Variants in ATG14 observed in about 807,000 individuals in gnomAD.
ATG14 encodes beclin 1-associated autophagy-related key regulator.
ATG14 carries 35 observed loss-of-function variants against 60.4 expected under a neutral mutation model. That is an observed-to-expected ratio of 0.58 (90% CI 0.44 to 0.77). The LOEUF is 0.77. ATG14 is among the 30% of genes least tolerant of loss of function. ATG14 has a pLI of 0.00. For missense variants in ATG14, 647 were observed against 626.3 expected, an observed-to-expected ratio of 1.03 and a Z score of -0.35; for synonymous variants, 234 against 228.8, an observed-to-expected ratio of 1.02 and a Z score of -0.21.
At chr14:55,370,794 C>T (rs1884798957) in intron 9 of ATG14, among the ~76,000 whole-genome samples, 1 of 152,038 alleles carries the variant, frequency 6.6e-6, no homozygotes. Flanking sequence ...GCACCTGCCA[C>T]CATGCCCGGC....
In ATG14 at chr14:55,380,590, G is replaced by C; in HGVS notation, c.978C>G (p.Pro326=). 1 of 1,608,784 alleles carries C rather than the reference G, an allele frequency of 6.2e-7. No individual in the cohort carries two copies. Among genetic ancestry groups the C allele is most frequent in the East Asian group, 2.2e-5 (1 of 44,742 alleles). The change falls in exon 7 of 10, where the codon CCC becomes CCG. Residue 326 remains proline (P), a synonymous_variant. Coordinates refer to ENST00000247178, the MANE Select transcript of ATG14 (RefSeq NM_014924.5). ...TTACTTGCCTGTTGCAGAGCTTTTT[G>C]GGAAGATTTACATCAAGTATATGAG... ...ILSHILDVNL[P]KKLCNSEFCG...
chr14:55,408,801 C>T (rs1281230736), intron 1 of ATG14, among the ~76,000 whole-genome samples: 1 of 152,050 alleles, frequency 6.6e-6, no homozygotes, highest in Non-Finnish European at 1.5e-5. Flanking sequence ...AATCACGTAC[C>T]AAGTGGTAGA....
At chr14:55,378,320 C>T (rs1884960016) in intron 7 of ATG14, among the ~76,000 whole-genome samples, 1 of 152,202 alleles carries the variant, frequency 6.6e-6, no homozygotes, top group Non-Finnish European at 1.5e-5. Flanking sequence ...TTATTCTACA[C>T]AAATATCTGC....
Position 55,385,986 on chromosome 14 carries a change from C to T in ATG14, c.520G>A (p.Asp174Asn), listed in dbSNP as rs543318710. 1 of 1,614,122 alleles carries T rather than the reference C, an allele frequency of 6.2e-7. No individual in the cohort carries two copies. The highest frequency in any genetic ancestry group is 1.1e-5 in the South Asian group (1 of 91,072). ...KIQRHNRKLG[D>N]LVEKKTIDLR... is the part of the protein sequence containing the mutation. ...TCAATGGTCTTTTTTTCTACCAGGTCACCAAGTTTGCGATTATGCCTCTGA... is the reference window on the plus strand; with the variant it reads ...TCAATGGTCTTTTTTTCTACCAGGTTACCAAGTTTGCGATTATGCCTCTGA... Residue 174 changes from aspartate (D) to asparagine (N), a missense_variant, in exon 5 of 10, where the codon GAC becomes AAC. Asp to Asn is a conservative substitution (Grantham distance 23, BLOSUM62 1). Coordinates refer to ENST00000247178, the MANE Select transcript of ATG14 (RefSeq NM_014924.5).
At chr14:55,395,106 CT>C in intron 3 of ATG14, 1 of 497,176 alleles carries the variant, frequency 2.0e-6, no homozygotes, top group Non-Finnish European at 4.1e-6. Context: ...AAGATTTATC[CT>C]TTCCTGCTGC....
chr14:55,411,668 C>G lies in ATG14; in HGVS notation c.155G>C (p.Arg52Pro). The change falls in exon 1 of 10, where the codon CGG becomes CCG. Residue 52 changes from arginine (R) to proline (P), a missense_variant. Physicochemically the swap from Arg to Pro is moderately radical, Grantham distance 103. Transcript: ENST00000247178. The part of the protein sequence containing the change: ...RCPLCNTTRR[R>P]LTCAKCVQSG... ...CTGAACGCATTTGGCGCAGGTCAGC[C>G]GCCGGCGGGTAGTGTTGCACAGCGG... The G allele has an allele frequency of 6.2e-7, 1 of 1,613,396 alleles. No individual in the cohort carries two copies. Among genetic ancestry groups the G allele is most frequent in the Non-Finnish European group, 8.5e-7 (1 of 1,179,898 alleles).
chr14:55,403,323 T>C lies in ATG14; in HGVS notation c.222-5889A>G, dbSNP rs1447761253. The stretch of plus-strand genomic sequence containing the variant: ...TCTTACCATGCATTAAACTCAACTA[T>C]AGAATCAGACCACAAAAAGAGACTG... On this transcript the variant is annotated intron_variant, in intron 1 of 9. Transcript: ENST00000247178. 3.3e-5 allele frequency among the ~76,000 whole-genome samples: 5 copies of C among 152,116 alleles called. No homozygotes were observed. The East Asian group carries it at 9.7e-4, about 29-fold the overall frequency.
intron 3 of ATG14, among the ~76,000 whole-genome samples, chr14:55,393,255 G>A (rs1375625096): frequency 1.3e-5 from 2 of 151,996 alleles, no homozygotes; most frequent in East Asian, 3.9e-4. Flanking sequence ...CGTGGTGGTG[G>A]GCGCCTGTAG....
intron 1 of ATG14, among the ~76,000 whole-genome samples, chr14:55,400,909 TAAATAAAATA>T (rs201067140): frequency 0.23 from 33,113 of 143,130 alleles, 4,133 homozygotes; most frequent in Non-Finnish European, 0.28. Context: ...CTCAAATAAA[TAAATAAAATA>T]AAATAAAATA....
In ATG14 at chr14:55,390,941, T is replaced by C. The variant is rs1274635911; in HGVS notation, c.379A>G (p.Ile127Val). ...TCCATTTCTTCATTTCCTTTACATA[T>C]TGTTTGTTTTAACTGTTCAATCCTC... The part of the protein sequence containing the change: ...KMRIEQLKQT[I>V]CKGNEEMEKN... Residue 127 changes from isoleucine to valine, a missense_variant, in exon 4 of 10, where the codon ATA becomes GTA. By Grantham distance (29) the Ile-to-Val change is conservative. Coordinates refer to ENST00000247178, the MANE Select transcript of ATG14 (RefSeq NM_014924.5). 7 of 1,604,736 alleles carry C rather than the reference T, an allele frequency of 4.4e-6. No homozygotes were observed. The highest frequency in any genetic ancestry group is 1.1e-5 in the South Asian group (1 of 89,340).
chr14:55,389,843 C>T (rs1885184120), intron 4 of ATG14, among the ~76,000 whole-genome samples: 1 of 152,002 alleles, frequency 6.6e-6, no homozygotes, highest in Admixed American at 6.5e-5. Flanking sequence ...TGGGAAGTGG[C>T]TTAAGGATGT....
rs1451402503 is a variant in ATG14, at chr14:55,368,906, A to AT, written c.*712dup. On this transcript the variant is annotated 3_prime_UTR_variant, in exon 10 of 10. Transcript: ENST00000247178. ...TTAATTCCCCTCAGAATACAAGAAA[A>AT]TAGTTAAAAACTCTCTAGACATTAT... 3.3e-5 allele frequency: 5 copies of AT among 152,530 alleles called. No homozygotes were observed. Among genetic ancestry groups the AT allele is most frequent in the Non-Finnish European group, 7.3e-5 (5 of 68,044 alleles). 9.4% of individuals were successfully genotyped at this position (152,530 alleles called of 1,614,324 possible).
chr14:55,383,527 G>A (rs569669986), intron 5 of ATG14, among the ~76,000 whole-genome samples: 2 of 151,906 alleles, frequency 1.3e-5, no homozygotes, highest in South Asian at 4.2e-4. Context: ...CTCCAGCCTG[G>A]GTGACAAAGC....
chr14:55,380,822 C>A, intron 6 of ATG14, 132 bp from the exon 7 acceptor site: 1 of 338,792 alleles, frequency 3.0e-6, no homozygotes, highest in Non-Finnish European at 5.3e-6. Context: ...ATAGATGCTC[C>A]ATGACCAGAC....
At chr14:55,391,506 G>A (rs935343931) in intron 3 of ATG14, among the ~76,000 whole-genome samples, 3 of 149,590 alleles carry the variant, frequency 2.0e-5, no homozygotes, top group African/African-American at 7.4e-5. Context: ...GGGAAATTAC[G>A]AGAAAGAAAT....
chr14:55,398,049 G>A (rs113717885), intron 1 of ATG14, among the ~76,000 whole-genome samples: 1,723 of 147,088 alleles, frequency 0.012, 15 homozygotes, highest in Middle Eastern at 0.028. Context: ...CTGGGCTCAC[G>A]CCATTCTCCC....
At chr14:55,374,122 G>T (rs1206118079) in intron 9 of ATG14, among the ~76,000 whole-genome samples, 1 of 152,220 alleles carries the variant, frequency 6.6e-6, no homozygotes, top group Non-Finnish European at 1.5e-5. Context: ...TACCAGCAAC[G>T]CTGGATTCAT....
intron 1 of ATG14, among the ~76,000 whole-genome samples, chr14:55,402,535 C>G (rs1389383717): frequency 6.6e-6 from 1 of 151,984 alleles, no homozygotes; most frequent in Non-Finnish European, 1.5e-5. Flanking sequence ...GGGAGAAAGA[C>G]TAAATGATAG....
In ATG14 at chr14:55,386,028, C is replaced by G. The variant is rs761685124; in HGVS notation, c.478G>C (p.Glu160Gln). Residue 160 changes from glutamate (E) to glutamine (Q), a missense_variant, in exon 5 of 10, where the codon GAG becomes CAG. Coordinates refer to ENST00000247178, the MANE Select transcript of ATG14 (RefSeq NM_014924.5). The part of the protein sequence containing the change: ...KLYSRAQRHQ[E>Q]KKEKIQRHNR... ...TGCCTCTGAATCTTCTCCTTTTTCT[C>G]TTGGTGCCGTTGTGCTCGACTGTAA... The G allele has an allele frequency of 1.2e-6, 2 of 1,614,132 alleles. No individual in the cohort carries two copies. The highest frequency in any genetic ancestry group is 2.2e-5 in the South Asian group (2 of 91,072).
Sources: allele counts gnomAD v4.1 joint callset (sites outside exome capture counted in the v4.1 genomes callset), GRCh38; gene constraint gnomAD v4.1.1; transcripts MANE v1.5; gene names NCBI Gene and HGNC (gene_info 2026-07-23, HGNC 2026-07-21).